Variants in SETD2 observed in about 807,000 individuals in gnomAD.
SETD2 encodes histone-lysine N-methyltransferase SETD2.
A neutral mutation model predicts 242.1 loss-of-function variants in SETD2; 31 were observed. The ratio of observed to expected loss-of-function variants is 0.13; its 90% CI spans 0.10 to 0.17. The LOEUF (loss-of-function observed/expected upper bound fraction) is 0.17, where lower values mean the gene tolerates loss of function less well. Among genes scored for constraint, SETD2 ranks in the 10% least tolerant of loss-of-function variants. The pLI is 1.00. For missense variants in SETD2, 2,481 were observed against 3,046.3 expected, an observed-to-expected ratio of 0.81 and a Z score of 4.37; for synonymous variants, 1,006 against 1,066.5, an observed-to-expected ratio of 0.94 and a Z score of 1.11.
chr3:47,088,462 C>T (rs1045994908), intron 9 of SETD2, among the ~76,000 whole-genome samples: 10 of 148,198 alleles, frequency 6.7e-5, no homozygotes, highest in Non-Finnish European at 1.5e-4. Flanking sequence ...ATTTGAAATG[C>T]ATTTCATTCA....
chr3:47,123,007 T>C lies in SETD2; in HGVS notation c.1629A>G (p.Ser543=), dbSNP rs1240279359. 6 of 1,613,988 alleles carry C rather than the reference T, an allele frequency of 3.7e-6. No homozygotes were observed. The highest frequency in any genetic ancestry group is 4.5e-5 in the East Asian group (2 of 44,892). The change falls in exon 3 of 21, where the codon TCA becomes TCG. Residue 543 remains serine, a synonymous_variant. Transcript: ENST00000409792. ...CACTACTGTCATGCTTAGAATATGA[T>C]GACCCTCGTCGGAATCCCAGTTCAT... ...PPNELGFRRG[S]SYSKHDSSAS... is the part of the protein sequence containing the mutation.
At chr3:47,096,739 G>C (rs7432062) in intron 9 of SETD2, among the ~76,000 whole-genome samples, 151,152 of 152,000 alleles carry the variant, frequency 0.99, 75,220 homozygotes, top group Middle Eastern at 1. Flanking sequence ...AGTGCGAGAC[G>C]TTGTCTCAAA....
At chr3:47,159,108 T>TAA (rs201322024) in intron 1 of SETD2, among the ~76,000 whole-genome samples, 1 of 149,456 alleles carries the variant, frequency 6.7e-6, no homozygotes, top group Non-Finnish European at 1.5e-5. Context: ...GATTCCATCT[T>TAA]AAAAAAAAAA....
At chr3:47,132,369 C>T (rs960713028) in intron 1 of SETD2, among the ~76,000 whole-genome samples, 2 of 151,990 alleles carry the variant, frequency 1.3e-5, no homozygotes, top group African/African-American at 2.4e-5. Context: ...TGCCTATAGT[C>T]GCAGCTACTT....
chr3:47,113,850 T>C (rs1392248492), intron 5 of SETD2, 26 bp downstream of exon 5: 2 of 1,603,252 alleles, frequency 1.2e-6, no homozygotes, highest in South Asian at 1.1e-5. Flanking sequence ...AAAAAGGAAG[T>C]GAAAGGTAAT....
At chr3:47,082,915 C>T (rs1003506339) in intron 12 of SETD2, among the ~76,000 whole-genome samples, 1 of 152,156 alleles carries the variant, frequency 6.6e-6, no homozygotes, top group Non-Finnish European at 1.5e-5. Context: ...TATTTGGTTG[C>T]TTCATCTCCG....
chr3:47,099,888 AT>A (rs1281793587), intron 8 of SETD2, among the ~76,000 whole-genome samples: 1 of 151,646 alleles, frequency 6.6e-6, no homozygotes, highest in East Asian at 1.9e-4. Context: ...TAAATGCTTA[AT>A]TTTTTTCCTT....
chr3:47,019,675 A>C, intron 19 of SETD2, 85 bp downstream of exon 19: 2 of 1,140,958 alleles, frequency 1.8e-6, no homozygotes, highest in Non-Finnish European at 2.7e-6. Context: ...GGGGCAAAGG[A>C]GATATTCGAC....
At chr3:47,091,022 A>G (rs551802496) in intron 9 of SETD2, among the ~76,000 whole-genome samples, 178 of 152,348 alleles carry the variant, frequency 1.2e-3, no homozygotes, top group Non-Finnish European at 1.9e-3. Context: ...GAGGTTGTAG[A>G]AACTCAAACC....
chr3:47,117,530 C>T (rs1035025979), intron 3 of SETD2, among the ~76,000 whole-genome samples: 1 of 152,134 alleles, frequency 6.6e-6, no homozygotes, highest in South Asian at 2.1e-4. Context: ...CATGGATGAG[C>T]AAATAATAGT....
At chr3:47,143,472 T>A (rs1468380711) in intron 1 of SETD2, among the ~76,000 whole-genome samples, 2 of 152,216 alleles carry the variant, frequency 1.3e-5, no homozygotes, top group East Asian at 3.8e-4. Context: ...CTGCAAAAAA[T>A]ATCTTTTGTG....
intron 1 of SETD2, among the ~76,000 whole-genome samples, chr3:47,139,601 C>T (rs147250884): frequency 1.3e-5 from 2 of 152,214 alleles, no homozygotes; most frequent in African/African-American, 4.8e-5. Context: ...TTCCTCACTT[C>T]AAGCAATTCT....
intron 5 of SETD2, among the ~76,000 whole-genome samples, chr3:47,111,074 T>TC (rs34653894): frequency 0.28 from 22,477 of 80,656 alleles, 4,883 homozygotes; most frequent in Non-Finnish European, 0.33. Context: ...AAACTGTGGT[T>TC]CCTTTAAAAA....
chr3:47,051,179 ACAG>A (rs2039827773), intron 15 of SETD2, among the ~76,000 whole-genome samples: 1 of 151,748 alleles, frequency 6.6e-6, no homozygotes, highest in East Asian at 1.9e-4. Flanking sequence ...ATCAAGGCTC[ACAG>A]CAGCCTTGAC....
intron 1 of SETD2, among the ~76,000 whole-genome samples, chr3:47,145,280 CCA>C (rs1448502450): frequency 3.3e-5 from 5 of 152,174 alleles, no homozygotes; most frequent in Non-Finnish European, 7.3e-5. Flanking sequence ...AGTCTACACA[CCA>C]AATTTGTTTA....
intron 13 of SETD2, among the ~76,000 whole-genome samples, chr3:47,065,831 T>C (rs1331461421): frequency 6.6e-6 from 1 of 152,122 alleles, no homozygotes; most frequent in African/African-American, 2.4e-5. Flanking sequence ...AATAAGTTTG[T>C]TGGAAATGTA....
rs923277866 is a variant in SETD2 at position 47,068,493 on chromosome 3, C to T, written c.6061-1375G>A. Reference sequence around the variant, plus strand: ...ATGCTGAACATTTCAAATACACTATCTTTTTTTTTTTTTTTTTTTTTGAGA... The same window carrying T: ...ATGCTGAACATTTCAAATACACTATTTTTTTTTTTTTTTTTTTTTTTGAGA... On this transcript the variant is annotated intron_variant, in intron 12 of 20. Transcript: ENST00000409792. Among the ~76,000 whole-genome samples the T allele has an allele frequency of 2.8e-5, 3 of 108,716 alleles. 1 individual carries two copies. Among genetic ancestry groups the T allele is most frequent in the African/African-American group, 7.7e-5 (2 of 25,970 alleles). The allele number at this position is 108,716 out of a possible 152,430, so 71.3% of individuals were successfully genotyped here.
chr3:47,111,160 G>C (rs929186416), intron 5 of SETD2, among the ~76,000 whole-genome samples: 3 of 141,628 alleles, frequency 2.1e-5, no homozygotes, highest in Non-Finnish European at 4.5e-5. Context: ...AGGCATCTTT[G>C]AAAATGTGCG....
intron 14 of SETD2, among the ~76,000 whole-genome samples, chr3:47,061,108 CTCAGGAGGCTGAG>C (rs1559677122): frequency 1.4e-4 from 21 of 152,160 alleles, no homozygotes. Context: ...GTTCCAGCTA[CTCAGGAGGCTGAG>C]GCAGGAGAAT....
Sources: gnomAD v4.1 joint callset for allele counts (sites outside exome capture counted in the v4.1 genomes callset) on GRCh38, gnomAD v4.1.1 for gene constraint, MANE v1.5 for transcripts, NCBI Gene and HGNC (gene_info 2026-07-23, HGNC 2026-07-21) for gene names.